Variants in SKIC8 observed in about 807,000 individuals in gnomAD.
SKIC8 encodes the protein SKI8 subunit of superkiller complex.
At chr15:78,293,771 T>A in the SKIC8 span, among the ~76,000 whole-genome samples, 3 of 152,230 alleles carry the variant, frequency 2.0e-5, no homozygotes, top group Admixed American at 1.3e-4. Context: ...TTATTATGGT[T>A]AATGGGCCAA....
At chr15:78,285,735 C>T in the SKIC8 span, 20 of 421,590 alleles carry the variant, frequency 4.7e-5, no homozygotes, top group East Asian at 3.7e-4. Flanking sequence ...CTATAAACAA[C>T]ATTTTACAAA....
At chr15:78,293,983 A>G in the SKIC8 span, among the ~76,000 whole-genome samples, 1 of 152,210 alleles carries the variant, frequency 6.6e-6, no homozygotes, top group East Asian at 1.9e-4. Flanking sequence ...ACAAGTGCAC[A>G]TGGAGGCTTT....
chr15:78,299,059 A>T, the SKIC8 span, among the ~76,000 whole-genome samples: 1 of 152,186 alleles, frequency 6.6e-6, no homozygotes, highest in Non-Finnish European at 1.5e-5. Context: ...TCACTGACTC[A>T]GTGTTTCCAA....
chr15:78,295,598 A>G, the SKIC8 span: 3 of 1,590,004 alleles, frequency 1.9e-6, no homozygotes, highest in Non-Finnish European at 2.6e-6. Context: ...TTTCTTGACT[A>G]CACATCCAGA....
chr15:78,283,642 T>A, the SKIC8 span: 1 of 750,612 alleles, frequency 1.3e-6, no homozygotes, highest in South Asian at 2.2e-5. Flanking sequence ...GATGTTCTTG[T>A]ACTTTCTAAA....
the SKIC8 span, among the ~76,000 whole-genome samples, chr15:78,293,835 T>C: frequency 6.6e-5 from 10 of 152,334 alleles, 2 homozygotes; most frequent in African/African-American, 2.2e-4. Flanking sequence ...CCTCATTTTA[T>C]AGACAAGGAA....
the SKIC8 span, chr15:78,292,648 C>T: frequency 1.2e-6 from 2 of 1,614,216 alleles, no homozygotes; most frequent in South Asian, 2.2e-5. Flanking sequence ...TATCTGTTTG[C>T]CATTTTCCAA....
At chr15:78,289,832 C>T in the SKIC8 span, 3 of 1,532,768 alleles carry the variant, frequency 2.0e-6, no homozygotes, top group Non-Finnish European at 2.7e-6. Context: ...TGGCAAACCA[C>T]ACCAGTGAGA....
chr15:78,283,590 CT>C, the SKIC8 span: 1 of 1,214,818 alleles, frequency 8.2e-7, no homozygotes, highest in South Asian at 1.4e-5. Flanking sequence ...AATGAACATC[CT>C]TATTTTCTCG....
chr15:78,291,390 G>A, the SKIC8 span, among the ~76,000 whole-genome samples: 1 of 152,240 alleles, frequency 6.6e-6, no homozygotes, highest in East Asian at 1.9e-4. Context: ...AGACTTTGCA[G>A]GATAGTTTGG....
At chr15:78,283,540 A>G in the SKIC8 span, 12 of 1,566,254 alleles carry the variant, frequency 7.7e-6, no homozygotes, top group African/African-American at 1.5e-4. Flanking sequence ...TTAAAAAAAG[A>G]TAGTTCTACA....
At chr15:78,295,146 TAC>T in the SKIC8 span, 2 of 698,438 alleles carry the variant, frequency 2.9e-6, no homozygotes, top group East Asian at 2.7e-5. Flanking sequence ...GCAAGATTTG[TAC>T]AGTCATATCA....
At chr15:78,294,294 C>T in the SKIC8 span, among the ~76,000 whole-genome samples, 1 of 152,224 alleles carries the variant, frequency 6.6e-6, no homozygotes, top group African/African-American at 2.4e-5. Context: ...AGGCATTCCA[C>T]AAATTCCTTA....
chr15:78,288,049 T>C, the SKIC8 span, among the ~76,000 whole-genome samples: 3 of 152,226 alleles, frequency 2.0e-5, no homozygotes, highest in African/African-American at 7.2e-5. Flanking sequence ...TCAGGCTGCC[T>C]GAGAAAAAGT....
At chr15:78,295,622 T>C in the SKIC8 span, 1 of 1,612,160 alleles carries the variant, frequency 6.2e-7, no homozygotes, top group Non-Finnish European at 8.5e-7. Context: ...CCTACTGGAC[T>C]TGAACTTGGC....
At chr15:78,298,306 C>A in the SKIC8 span, among the ~76,000 whole-genome samples, 1 of 152,182 alleles carries the variant, frequency 6.6e-6, no homozygotes, top group South Asian at 2.1e-4. Context: ...GGGTGTGATT[C>A]TATCAATGAG....
chr15:78,298,789 G>A, the SKIC8 span, among the ~76,000 whole-genome samples: 8 of 152,130 alleles, frequency 5.3e-5, no homozygotes, highest in Non-Finnish European at 7.3e-5. Context: ...CGTACACCCC[G>A]CAGATAAGGG....
chr15:78,283,553 T>C, the SKIC8 span: 1 of 1,503,912 alleles, frequency 6.6e-7, no homozygotes, highest in South Asian at 1.1e-5. Flanking sequence ...GTTCTACAAA[T>C]GCCTTTATTC....
chr15:78,290,207 G>T, the SKIC8 span: 1 of 1,170,068 alleles, frequency 8.5e-7, no homozygotes, highest in Non-Finnish European at 1.2e-6. Flanking sequence ...GAGTAGCAGT[G>T]TCCTGATTCA....
Sources: gnomAD v4.1 joint callset for allele counts (sites outside exome capture counted in the v4.1 genomes callset) on GRCh38, gnomAD v4.1.1 for gene constraint, MANE v1.5 for transcripts, NCBI Gene and HGNC (gene_info 2026-07-23, HGNC 2026-07-21) for gene names.